WDR19: variants seen among roughly 807,000 people sequenced by gnomAD.
WDR19 encodes WD repeat domain 19, also known as WD repeat-containing protein 19.
WDR19 carries 121 observed loss-of-function variants against 180.0 expected under a neutral mutation model. The ratio of observed to expected loss-of-function variants is 0.67; its 90% CI spans 0.58 to 0.78. WDR19 has a LOEUF of 0.78. Ranked by LOEUF, WDR19 falls within the 30% of genes least tolerant of loss-of-function variation. The pLI, the probability that WDR19 is intolerant of heterozygous loss-of-function variation, is 0.00. For missense variants in WDR19, 1,450 were observed against 1,640.7 expected, an observed-to-expected ratio of 0.88 and a Z score of 2.01; for synonymous variants, 497 against 540.7, an observed-to-expected ratio of 0.92 and a Z score of 1.12.
chr4:39,184,736 G>A (rs866780738), intron 1 of WDR19, among the ~76,000 whole-genome samples: 44 of 152,270 alleles, frequency 2.9e-4, no homozygotes, highest in African/African-American at 9.1e-4. Context: ...ACTAAGTCCC[G>A]TGTAACAGTA....
At chr4:39,227,349 T>C (rs989133366) in intron 15 of WDR19, among the ~76,000 whole-genome samples, 5 of 152,206 alleles carry the variant, frequency 3.3e-5, no homozygotes, top group Admixed American at 1.3e-4. Flanking sequence ...AGGACTTATA[T>C]GGACTGATTT....
At chr4:39,216,503 T>C (rs4974995) in intron 12 of WDR19, among the ~76,000 whole-genome samples, 70,667 of 152,078 alleles carry the variant, frequency 0.46, 18,974 homozygotes, top group East Asian at 0.62. Context: ...TAAGTGACTA[T>C]AGACAAATCA....
At chr4:39,218,126 T>G (rs758385330) in intron 14 of WDR19, 21 bp downstream of exon 14, 2 of 1,585,412 alleles carry the variant, frequency 1.3e-6, no homozygotes, top group Admixed American at 1.8e-5. Context: ...CCTTCTTTTT[T>G]AGAGAACACT....
intron 8 of WDR19, 141 bp from the exon 9 acceptor site, chr4:39,205,422 C>G (rs1727842930): frequency 1.7e-6 from 2 of 1,179,314 alleles, no homozygotes; most frequent in South Asian, 3.2e-5. Flanking sequence ...GCAAAACTAC[C>G]TAGTATATTA....
At chr4:39,282,554 C>T (rs1395745603) in intron 36 of WDR19, among the ~76,000 whole-genome samples, 1 of 152,044 alleles carries the variant, frequency 6.6e-6, no homozygotes, top group Admixed American at 6.6e-5. Context: ...CCCGCCACCA[C>T]GTCCAGCTAA....
At position 39,244,400 on chromosome 4, in the gene WDR19, T is replaced by C; in HGVS notation, c.2562+12T>C. 6.2e-7 allele frequency: 1 copy of C among 1,613,980 alleles called. No homozygotes were observed. The highest frequency in any genetic ancestry group is 1.1e-5 in the South Asian group (1 of 91,074). ...TGGAGAATATGAAGGTCCTCTTTTC[T>C]CTGCATCAATATACATGTGGTCTTT... On this transcript the variant is annotated intron_variant, in intron 22 of 36. Transcript: ENST00000399820.
intron 3 of WDR19, 104 bp from the exon 4 acceptor site, chr4:39,189,552 A>T: frequency 2.8e-6 from 3 of 1,072,498 alleles, no homozygotes; most frequent in Non-Finnish European, 3.8e-6. Context: ...AGAGTTTATT[A>T]TCTGTTCAAA....
At chr4:39,228,091 T>A (rs1254675734) in intron 15 of WDR19, 119 bp from the exon 16 acceptor site, 1 of 1,035,132 alleles carries the variant, frequency 9.7e-7, no homozygotes, top group East Asian at 2.5e-5. Flanking sequence ...TGGAGTGATG[T>A]TAGGTTGAAT....
intron 3 of WDR19, among the ~76,000 whole-genome samples, 189 bp downstream of exon 3, chr4:39,186,793 A>G (rs1725605346): frequency 6.6e-6 from 1 of 152,230 alleles, no homozygotes; most frequent in Admixed American, 6.5e-5. Context: ...TTCTATCTAT[A>G]AACACCCATA....
intron 5 of WDR19, among the ~76,000 whole-genome samples, chr4:39,196,551 G>A (rs1726769376): frequency 6.6e-6 from 1 of 152,098 alleles, no homozygotes; most frequent in African/African-American, 2.4e-5. Context: ...AATCCAGCCG[G>A]TCTCACCATC....
In WDR19 at chr4:39,228,311, T is replaced by C; in HGVS notation, c.1731T>C (p.Asp577=). ...ATAAAGGTGTATTTATTGCTTATGA[T>C]GATGATAAGGTGTACACTTATGTCT... ...PMDKGVFIAY[D]DDKVYTYVFH... is the part of the protein sequence containing the mutation. Residue 577 remains aspartate (D), a synonymous_variant, in exon 16 of 37, where the codon GAT becomes GAC. Coordinates refer to ENST00000399820, the MANE Select transcript of WDR19 (RefSeq NM_025132.4). The C allele has an allele frequency of 6.2e-7, 1 of 1,613,538 alleles. No individual in the cohort carries two copies. The highest frequency in any genetic ancestry group is 1.1e-5 in the South Asian group (1 of 91,024).
At chr4:39,237,906 G>A (rs914770883) in intron 20 of WDR19, 1 of 152,126 alleles carries the variant, frequency 6.6e-6, no homozygotes, top group Non-Finnish European at 1.5e-5. Flanking sequence ...AGAACTCTTC[G>A]ATTTTCACTT....
At chr4:39,231,530 T>G (rs938823647) in intron 17 of WDR19, among the ~76,000 whole-genome samples, 3 of 152,046 alleles carry the variant, frequency 2.0e-5, no homozygotes, top group Admixed American at 6.5e-5. Context: ...TAAAAAGAAA[T>G]AAATGAATAG....
intron 24 of WDR19, among the ~76,000 whole-genome samples, chr4:39,248,659 T>G (rs1732796458): frequency 6.6e-6 from 1 of 151,850 alleles, no homozygotes; most frequent in Non-Finnish European, 1.5e-5. Flanking sequence ...TGGAGGAAGA[T>G]CTACCAAGAA....
chr4:39,268,701 C>T (rs1012949740), intron 30 of WDR19, among the ~76,000 whole-genome samples: 15 of 152,274 alleles, frequency 9.9e-5, no homozygotes, highest in African/African-American at 2.4e-4. Flanking sequence ...ATTCAGCTTA[C>T]GTTGATCTAA....
chr4:39,207,501 A>G (rs1039232021), intron 9 of WDR19, among the ~76,000 whole-genome samples: 6 of 152,212 alleles, frequency 3.9e-5, no homozygotes, highest in Non-Finnish European at 5.9e-5. Context: ...AAATAAAGAC[A>G]AAGAAAAAAT....
In WDR19 at chr4:39,253,120, A is replaced by T. The variant is rs1385177452; in HGVS notation, c.2730-26A>T. 1.9e-6 allele frequency: 3 copies of T among 1,548,026 alleles called. No individual in the cohort carries two copies. In the South Asian group the frequency reaches 3.8e-5, roughly 20 times the overall value. On this transcript the variant is annotated intron_variant, in intron 24 of 36. Coordinates refer to ENST00000399820, the MANE Select transcript of WDR19 (RefSeq NM_025132.4). ...TCCCCAAATTGACAGTGTTAAAAAAAGTTTATCTGAGCTATTTTTTTACAG... is the reference window on the plus strand; with the variant it reads ...TCCCCAAATTGACAGTGTTAAAAAATGTTTATCTGAGCTATTTTTTTACAG...
At chr4:39,239,832 C>T (rs979109943) in intron 20 of WDR19, among the ~76,000 whole-genome samples, 1 of 152,146 alleles carries the variant, frequency 6.6e-6, no homozygotes, top group Non-Finnish European at 1.5e-5. Context: ...CTTTTGTGAG[C>T]TTAAGCAACT....
intron 32 of WDR19, 150 bp from the exon 33 acceptor site, chr4:39,274,658 C>T (rs1380981994): frequency 5.6e-6 from 5 of 894,242 alleles, no homozygotes; most frequent in South Asian, 1.7e-5. Flanking sequence ...GTACTTTCCT[C>T]ATTAAACAGA....
Sources: gnomAD v4.1 joint callset for allele counts (sites outside exome capture counted in the v4.1 genomes callset) on GRCh38, gnomAD v4.1.1 for gene constraint, MANE v1.5 for transcripts, NCBI Gene and HGNC (gene_info 2026-07-23, HGNC 2026-07-21) for gene names.